The following LENG9 variants were observed in gnomAD, a reference collection of about 807,000 sequenced individuals.
LENG9 encodes the protein leukocyte receptor cluster (LRC) member 9.
For missense variants in LENG9, 872 were observed against 652.7 expected (o/e 1.34, Z -3.66); for synonymous variants, 410 against 303.9 (o/e 1.35, Z -3.63).
Position 54,462,252 on chromosome 19 carries a change from G to A in LENG9, c.1275C>T (p.Leu425=). The change falls in exon 1 of 1, where the codon CTC becomes CTT. Residue 425 remains leucine, a synonymous_variant. Coordinates refer to ENST00000611161, the MANE Select transcript of LENG9 (RefSeq NM_001301782.2). ...AACCATGGGGCACCTTGGCCACGGT[G>A]AGGTGGGGGTGCAGCTGCCCTGGAG... ...LQSPGQLHPH[L]TVAKVPHGSQ... is the part of the protein sequence containing the mutation. The A allele has an allele frequency of 6.2e-7, 1 of 1,612,156 alleles. No homozygotes were observed. The highest frequency in any genetic ancestry group is 8.5e-7 in the Non-Finnish European group (1 of 1,178,888).
Position 54,462,128 on chromosome 19 carries a change from C to G in LENG9, c.1399G>C (p.Gly467Arg). 1 of 1,584,634 alleles carries G rather than the reference C, an allele frequency of 6.3e-7. No homozygotes were observed. Among genetic ancestry groups the G allele is most frequent in the Non-Finnish European group, 8.6e-7 (1 of 1,163,798 alleles). ...LWLCRIGRTG[G>R]PFQPLAEIPL... ...ATCTCAGCCAGGGGCTGGAAAGGCC[C>G]CCCTGTCCTCCCTATACGGCACAGC... is the stretch of plus-strand genomic sequence containing the variant. Residue 467 changes from glycine to arginine, a missense_variant, in exon 1 of 1, where the codon GGG becomes CGG. Coordinates refer to ENST00000611161, the MANE Select transcript of LENG9 (RefSeq NM_001301782.2).
rs199902227 is a variant in LENG9, at chr19:54,462,126, C to T, written c.1401G>A (p.Gly467=). 1.7e-4 allele frequency: 265 copies of T among 1,578,398 alleles called. No individual in the cohort carries two copies. The highest frequency in any genetic ancestry group is 2.2e-4 in the Non-Finnish European group (250 of 1,160,680). The stretch of plus-strand genomic sequence containing the variant: ...GGATCTCAGCCAGGGGCTGGAAAGG[C>T]CCCCCTGTCCTCCCTATACGGCACA... ...LWLCRIGRTG[G]PFQPLAEIPL... Residue 467 remains glycine, a synonymous_variant, in exon 1 of 1, where the codon GGG becomes GGA. Coordinates refer to ENST00000611161, the MANE Select transcript of LENG9 (RefSeq NM_001301782.2).
chr19:54,463,207 T>G lies in LENG9; in HGVS notation c.320A>C (p.Asp107Ala), dbSNP rs779202818. Residue 107 changes from aspartate to alanine, a missense_variant, in exon 1 of 1, where the codon GAC becomes GCC. Coordinates refer to ENST00000611161, the MANE Select transcript of LENG9 (RefSeq NM_001301782.2). ...REEPFSAFCW[D>A]QPLAALGPGV... is the part of the protein sequence containing the mutation. ...CGGCCCGAGCGCCGCCAGCGGCTGG[T>G]CCCAGCAAAAGGCGCTGAAGGGCTC... The G allele has an allele frequency of 5.8e-6, 9 of 1,556,192 alleles. No individual in the cohort carries two copies. In the South Asian group the frequency reaches 1.0e-4, roughly 18 times the overall value.
In LENG9 at chr19:54,462,464, CG is replaced by C. The variant is rs2084617898; in HGVS notation, c.1062del (p.Ala355LeufsTer6). ...GCCCGTCTCAGAGCTCCAATGGCAG[CG>C]GCCTCCTCCCCAGCGCCTGCCAGTC... Reference protein sequence around the residue: ...LLRLAGAGEEAAAIGALRRAL... With the variant: ...LLRLAGAGEEXAAIGALRRAL... On this transcript the variant is annotated frameshift_variant, in exon 1 of 1. Transcript: ENST00000611161. LOFTEE classifies it low-confidence loss of function (END_TRUNC). The C allele has an allele frequency of 6.2e-7, 1 of 1,613,298 alleles. No homozygotes were observed. Among genetic ancestry groups the C allele is most frequent in the Admixed American group, 1.7e-5 (1 of 60,016 alleles).
In LENG9 at chr19:54,461,831, A is replaced by T; in HGVS notation, c.*259T>A. On this transcript the variant is annotated 3_prime_UTR_variant, in exon 1 of 1. Transcript: ENST00000611161. Reference sequence around the variant, plus strand: ...TCCCTCCCTCCCTCTTCTGCCATGTAACTGGAGGATGTGCTATGAGTTTGC... The same window carrying T: ...TCCCTCCCTCCCTCTTCTGCCATGTTACTGGAGGATGTGCTATGAGTTTGC... The T allele has an allele frequency of 1.7e-6, 1 of 599,888 alleles. No individual in the cohort carries two copies. 37.2% of individuals were successfully genotyped at this position (599,888 alleles called of 1,614,324 possible).
rs1400566792 is a variant in LENG9, at chr19:54,463,339, G to A, written c.188C>T (p.Pro63Leu). 3.4e-6 allele frequency: 5 copies of A among 1,461,604 alleles called. No homozygotes were observed. The highest frequency in any genetic ancestry group is 4.8e-5 in the Admixed American group (2 of 41,528). The allele number at this position is 1,461,604 out of a possible 1,614,324, so 90.5% of individuals were successfully genotyped here. A position where few individuals can be genotyped will look rare whatever the true frequency, so the allele number is the denominator to read the frequency against. Residue 63 changes from proline to leucine, a missense_variant, in exon 1 of 1, where the codon CCG becomes CTG. Physicochemically the swap from Pro to Leu is moderately conservative, Grantham distance 98. Transcript: ENST00000611161. ...GATGACGTCCGCGGCTGTGCGCAGCGGCGGCTTCTTGGCCCCGGCCTCCGG... is the reference window on the plus strand; with the variant it reads ...GATGACGTCCGCGGCTGTGCGCAGCAGCGGCTTCTTGGCCCCGGCCTCCGG... ...AQPEAGAKKP[P>L]LRTAADVIQR...
chr19:54,461,737 T>G lies in LENG9; in HGVS notation c.*353A>C, dbSNP rs1198893707. The G allele has an allele frequency of 1.2e-5, 6 of 516,564 alleles. No homozygotes were observed. The highest frequency in any genetic ancestry group is 2.3e-5 in the Non-Finnish European group (6 of 257,626). 32.0% of individuals were successfully genotyped at this position (516,564 alleles called of 1,614,324 possible). On this transcript the variant is annotated 3_prime_UTR_variant, in exon 1 of 1. Transcript: ENST00000611161. The stretch of plus-strand genomic sequence containing the variant: ...GATCACCAGCTCACGTCATGTTGCC[T>G]TCTCTTTTCTTTGTGTGTGTGTTTA...
rs1466509980 is a variant in LENG9 at position 54,462,239 on chromosome 19, C to T, written c.1288G>A (p.Val430Met). The T allele has an allele frequency of 5.0e-6, 8 of 1,613,104 alleles. No homozygotes were observed. Among genetic ancestry groups the T allele is most frequent in the Non-Finnish European group, 5.9e-6 (7 of 1,179,408 alleles). ...QLHPHLTVAKVPHGSQVHLPK... is the reference protein window; with the variant it reads ...QLHPHLTVAKMPHGSQVHLPK... ...AGGTGGACCTGGGAACCATGGGGCA[C>T]CTTGGCCACGGTGAGGTGGGGGTGC... is the stretch of plus-strand genomic sequence containing the variant. Residue 430 changes from valine to methionine, a missense_variant, in exon 1 of 1, where the codon GTG becomes ATG. Physicochemically the swap from Val to Met is conservative, Grantham distance 21. Transcript: ENST00000611161.
chr19:54,463,602 G>A lies in LENG9; in HGVS notation c.-76C>T, dbSNP rs2084674706. ...GAGGGCGGCTCCCCTTGGATGCACC[G>A]AGCCTCACCCGACAGTGGCGTCAGC... On this transcript the variant is annotated 5_prime_UTR_variant, in exon 1 of 1. Transcript: ENST00000611161. 6 of 1,296,290 alleles carry A rather than the reference G, an allele frequency of 4.6e-6. No homozygotes were observed. The highest frequency in any genetic ancestry group is 2.1e-5 in the South Asian group (1 of 47,938). 80.3% of individuals were successfully genotyped at this position (1,296,290 alleles called of 1,614,324 possible). A position where few individuals can be genotyped will look rare whatever the true frequency, so the allele number is the denominator to read the frequency against.
At position 54,462,102 on chromosome 19, in the gene LENG9, G is replaced by T. The variant is rs747442145; in HGVS notation, c.1425C>A (p.Ile475=). The T allele has an allele frequency of 1.0e-5, 16 of 1,565,384 alleles. No individual in the cohort carries two copies. The highest frequency in any genetic ancestry group is 1.2e-5 in the Non-Finnish European group (14 of 1,155,560). The change falls in exon 1 of 1, where the codon ATC becomes ATA. Residue 475 remains isoleucine (I), a synonymous_variant. Coordinates refer to ENST00000611161, the MANE Select transcript of LENG9 (RefSeq NM_001301782.2). ...AGGTCTGGGGGTGTCACTCCAGGGGGATCTCAGCCAGGGGCTGGAAAGGCC... is the reference window on the plus strand; with the variant it reads ...AGGTCTGGGGGTGTCACTCCAGGGGTATCTCAGCCAGGGGCTGGAAAGGCC... ...TGGPFQPLAE[I]PLE
chr19:54,462,908 C>T lies in LENG9; in HGVS notation c.619G>A (p.Glu207Lys), dbSNP rs749258898. 1.9e-6 allele frequency: 3 copies of T among 1,612,616 alleles called. No individual in the cohort carries two copies. Among genetic ancestry groups the T allele is most frequent in the East Asian group, 4.5e-5 (2 of 44,858 alleles). Residue 207 changes from glutamate to lysine, a missense_variant, in exon 1 of 1, where the codon GAA becomes AAA. Coordinates refer to ENST00000611161, the MANE Select transcript of LENG9 (RefSeq NM_001301782.2). ...TGGGCCGCCTCCAGCTCTCCGGGTT[C>T]CTCCACGCCTGGTTCCTGGTGCCCT... ...CTGHQEPGVE[E>K]PGELEAAQER... is the part of the protein sequence containing the mutation.
In LENG9 at chr19:54,462,322, A is replaced by G. The variant is rs779832304; in HGVS notation, c.1205T>C (p.Val402Ala). Residue 402 changes from valine to alanine, a missense_variant, in exon 1 of 1, where the codon GTG becomes GCG. Physicochemically the swap from Val to Ala is moderately conservative, Grantham distance 64. Transcript: ENST00000611161. ...PSPTLESMAQ[V>A]LSQRLEAEGL... ...CTCGGCTTCCAGCCTCTGGCTCAGC[A>G]CTTGTGCCATGCTTTCCAGTGTGGG... 1 of 1,605,478 alleles carries G rather than the reference A, an allele frequency of 6.2e-7. No homozygotes were observed.
Position 54,463,275 on chromosome 19 carries a change from G to A in LENG9, c.252C>T (p.Asp84=). Residue 84 remains aspartate, a synonymous_variant, in exon 1 of 1, where the codon GAC becomes GAT. Coordinates refer to ENST00000611161, the MANE Select transcript of LENG9 (RefSeq NM_001301782.2). ...AGCGGTCGACGTAGCCCACCGAGAAGTCGGCGGGGTCGAGGCGCGGGTCCC... is the reference window on the plus strand; with the variant it reads ...AGCGGTCGACGTAGCCCACCGAGAAATCGGCGGGGTCGAGGCGCGGGTCCC... ...IRWDPRLDPA[D]FSVGYVDRFL... The A allele has an allele frequency of 1.9e-6, 3 of 1,540,794 alleles. No individual in the cohort carries two copies. The highest frequency in any genetic ancestry group is 2.6e-6 in the Non-Finnish European group (3 of 1,149,396).
In LENG9 at chr19:54,462,882, C is replaced by T. The variant is rs933215110; in HGVS notation, c.645G>A (p.Gln215=). The T allele has an allele frequency of 4.3e-6, 7 of 1,612,778 alleles. No individual in the cohort carries two copies. The highest frequency in any genetic ancestry group is 5.9e-6 in the Non-Finnish European group (7 of 1,179,988). ...VEEPGELEAA[Q]ERALGTAADL... Reference sequence around the variant, plus strand: ...CAGCAGCTGTGCCCAGCGCCCTCTCCTGGGCCGCCTCCAGCTCTCCGGGTT... The same window carrying T: ...CAGCAGCTGTGCCCAGCGCCCTCTCTTGGGCCGCCTCCAGCTCTCCGGGTT... Residue 215 remains glutamine, a synonymous_variant, in exon 1 of 1, where the codon CAG becomes CAA. Transcript: ENST00000611161.
Position 54,463,308 on chromosome 19 carries a change from G to T in LENG9, c.219C>A (p.Arg73=). The stretch of plus-strand genomic sequence containing the variant: ...GGTCGAGGCGCGGGTCCCAGCGGAT[G>T]CGCTGGATGACGTCCGCGGCTGTGC... ...PLRTAADVIQ[R]IRWDPRLDPA... The change falls in exon 1 of 1, where the codon CGC becomes CGA. Residue 73 remains arginine, a synonymous_variant. Coordinates refer to ENST00000611161, the MANE Select transcript of LENG9 (RefSeq NM_001301782.2). 1 of 1,529,198 alleles carries T rather than the reference G, an allele frequency of 6.5e-7. No homozygotes were observed. The highest frequency in any genetic ancestry group is 8.7e-7 in the Non-Finnish European group (1 of 1,143,662). The allele number at this position is 1,529,198 out of a possible 1,614,324, so 94.7% of individuals were successfully genotyped here.
Position 54,462,994 on chromosome 19 carries a change from G to A in LENG9, c.533C>T (p.Ala178Val), listed in dbSNP as rs778908980. 12 of 1,606,272 alleles carry A rather than the reference G, an allele frequency of 7.5e-6. No individual in the cohort carries two copies. Among genetic ancestry groups the A allele is most frequent in the Non-Finnish European group, 1.0e-5 (12 of 1,179,684 alleles). ...AGCCTGGGCCTCCTGACCTGTCCCC[G>A]CCAGTGTCCACTCGGCACCCTCTGC... ...HGAEGAEWTL[A>V]GTGQEAQAAP... The change falls in exon 1 of 1, where the codon GCG becomes GTG. Residue 178 changes from alanine to valine, a missense_variant. Physicochemically the swap from Ala to Val is moderately conservative, Grantham distance 64. Coordinates refer to ENST00000611161, the MANE Select transcript of LENG9 (RefSeq NM_001301782.2).
Position 54,461,982 on chromosome 19 carries a change from T to G in LENG9, c.*108A>C, listed in dbSNP as rs1248530054. The G allele has an allele frequency of 3.8e-6, 5 of 1,309,052 alleles. No individual in the cohort carries two copies. The highest frequency in any genetic ancestry group is 5.4e-6 in the Non-Finnish European group (5 of 929,014). 81.1% of individuals were successfully genotyped at this position (1,309,052 alleles called of 1,614,324 possible). A position where few individuals can be genotyped will look rare whatever the true frequency, so the allele number is the denominator to read the frequency against. The stretch of plus-strand genomic sequence containing the variant: ...GAGCACTGAGCACCATTTGGAAGCT[T>G]GAGAGAAACCAAAATTAAAGAGAGA... On this transcript the variant is annotated 3_prime_UTR_variant, in exon 1 of 1. Transcript: ENST00000611161.
In LENG9 at chr19:54,463,286, C is replaced by A; in HGVS notation, c.241G>T (p.Asp81Tyr). The A allele has an allele frequency of 6.5e-7, 1 of 1,538,628 alleles. No individual in the cohort carries two copies. Among genetic ancestry groups the A allele is most frequent in the Non-Finnish European group, 8.7e-7 (1 of 1,148,246 alleles). ...IQRIRWDPRL[D>Y]PADFSVGYVD... ...TAGCCCACCGAGAAGTCGGCGGGGT[C>A]GAGGCGCGGGTCCCAGCGGATGCGC... Residue 81 changes from aspartate to tyrosine, a missense_variant, in exon 1 of 1, where the codon GAC (aspartate) becomes TAC (tyrosine). Coordinates refer to ENST00000611161, the MANE Select transcript of LENG9 (RefSeq NM_001301782.2).
rs561715173 is a variant in LENG9 at position 54,461,748 on chromosome 19, TTG to T, written c.*340_*341del. ...CACGTCATGTTGCCTTCTCTTTTCT[TTG>T]TGTGTGTGTTTATTTAAGTTATTTT... On this transcript the variant is annotated 3_prime_UTR_variant, in exon 1 of 1. Coordinates refer to ENST00000611161, the MANE Select transcript of LENG9 (RefSeq NM_001301782.2). 7 of 531,682 alleles carry T rather than the reference TTG, an allele frequency of 1.3e-5. No individual in the cohort carries two copies. The highest frequency in any genetic ancestry group is 2.2e-5 in the Non-Finnish European group (6 of 267,182). The allele number at this position is 531,682 out of a possible 1,614,324, so 32.9% of individuals were successfully genotyped here. A position where few individuals can be genotyped will look rare whatever the true frequency, so the allele number is the denominator to read the frequency against.
Sources: gnomAD v4.1 joint callset for allele counts on GRCh38, gnomAD v4.1.1 for gene constraint, MANE v1.5 for transcripts, NCBI Gene and HGNC (gene_info 2026-07-23, HGNC 2026-07-21) for gene names.